The following RHOBTB2 variants were observed in gnomAD, a reference collection of about 807,000 sequenced individuals.
The protein encoded by RHOBTB2 is rho-related BTB domain-containing protein 2.
Under a neutral mutation model 66.5 loss-of-function variants are expected in RHOBTB2, and 39 were observed. The ratio of observed to expected loss-of-function variants is 0.59; its 90% CI spans 0.45 to 0.77. RHOBTB2 has a LOEUF of 0.77. RHOBTB2 is among the 30% of genes least tolerant of loss of function. The probability of loss-of-function intolerance (pLI) is 0.00; values close to 1 mark genes in which losing one functional copy is unlikely to be tolerated. For synonymous variants in RHOBTB2, 390 were observed against 395.0 expected, an observed-to-expected ratio of 0.99 and a Z score of 0.15; for missense variants, 755 against 999.1, an observed-to-expected ratio of 0.76 and a Z score of 3.29.
chr8:22,966,964 A>G, the RHOBTB2 span, among the ~76,000 whole-genome samples: 65 of 152,302 alleles, frequency 4.3e-4, no homozygotes, highest in Non-Finnish European at 8.5e-4. Context: ...GGGATGGAAA[A>G]TGGTGTAGCT....
At position 23,006,177 on chromosome 8, in the gene RHOBTB2, T is replaced by A. The variant is rs754767933; in HGVS notation, c.482+32T>A. ...GGTGCTGGTACCAAGGAGACAGACA[T>A]GGATGGGTGCCTCACCATGGCTCCC... On this transcript the variant is annotated intron_variant, in intron 4 of 9. Transcript: ENST00000251822. The surrounding 1 kb of genome is among the most constrained non-coding windows in gnomAD (Gnocchi z 6.1). 5.7e-6 allele frequency: 9 copies of A among 1,581,644 alleles called. No individual in the cohort carries two copies. Among genetic ancestry groups the A allele is most frequent in the Middle Eastern group, 3.4e-4 (2 of 5,944 alleles).
the RHOBTB2 span, among the ~76,000 whole-genome samples, chr8:22,967,809 G>A: frequency 1.3e-5 from 2 of 151,862 alleles, no homozygotes; most frequent in African/African-American, 4.8e-5. Flanking sequence ...GGGGATGGTG[G>A]CACAACAATG....
At chr8:22,987,212 G>C (rs113917162), upstream of RHOBTB2, among the ~76,000 whole-genome samples, 1,315 of 152,340 alleles carry the variant, frequency 8.6e-3, 22 homozygotes, top group African/African-American at 0.029. Flanking sequence ...TGCCCTGAGG[G>C]CCAGGGGCTG....
the RHOBTB2 span, among the ~76,000 whole-genome samples, chr8:22,970,843 G>A: frequency 6.6e-6 from 1 of 152,082 alleles, no homozygotes; most frequent in Non-Finnish European, 1.5e-5. Flanking sequence ...TCCGCAGATG[G>A]TTGCTGCTAA....
chr8:22,970,147 C>T, the RHOBTB2 span, among the ~76,000 whole-genome samples: 2 of 152,186 alleles, frequency 1.3e-5, no homozygotes, highest in Non-Finnish European at 2.9e-5. Flanking sequence ...AATTTAGTTT[C>T]TCAGAGCTCT....
chr8:22,962,064 G>A, the RHOBTB2 span, among the ~76,000 whole-genome samples: 69 of 151,860 alleles, frequency 4.5e-4, no homozygotes, highest in African/African-American at 1.4e-3. Context: ...AGGAGGCCAA[G>A]GTGAGAGGAT....
rs200622726 is a variant in RHOBTB2, at chr8:23,005,936, G to A, written c.297-24G>A. 1.9e-5 allele frequency: 31 copies of A among 1,599,754 alleles called. 1 individual carries two copies. Among genetic ancestry groups the A allele is most frequent in the South Asian group, 4.4e-5 (4 of 90,028 alleles). ...TAAGCTACCACTTGTTTCTCTGCCC[G>A]TAACCTTACTTTCCCACCCGCAGAT... On this transcript the variant is annotated intron_variant, in intron 3 of 9. Transcript: ENST00000251822.
Position 22,999,562 on chromosome 8 carries a change from C to T in RHOBTB2, c.-554C>T, listed in dbSNP as rs1810694010. On this transcript the variant is annotated 5_prime_UTR_variant, in exon 1 of 10. Transcript: ENST00000251822. ...CGGCAGTGGGCGGGGCCCGTCACGG[C>T]TGTCGTCTTGGGTGCGATTTTTTTC... is the stretch of plus-strand genomic sequence containing the variant. 1 of 1,202,428 alleles carries T rather than the reference C, an allele frequency of 8.3e-7. No homozygotes were observed. The allele number at this position is 1,202,428 out of a possible 1,614,324, so 74.5% of individuals were successfully genotyped here.
the RHOBTB2 span, among the ~76,000 whole-genome samples, chr8:22,954,039 A>G: frequency 1.3e-5 from 2 of 152,238 alleles, no homozygotes. Context: ...GTTTGCTTCA[A>G]GCTATATGCC....
At chr8:22,963,499 C>A in the RHOBTB2 span, among the ~76,000 whole-genome samples, 2 of 151,546 alleles carry the variant, frequency 1.3e-5, no homozygotes, top group African/African-American at 4.8e-5. Context: ...ATTTACAAAG[C>A]TAGCGCAAGT....
rs1490655503 is a variant in RHOBTB2 at position 22,999,770 on chromosome 8, C to T, written c.-346C>T. ...GCGGCCTCGCCCCTCTCCCGGCGCC[C>T]CTGCGCGCCGCCCGCTGCCTCCGCA... On this transcript the variant is annotated 5_prime_UTR_variant, in exon 1 of 10. Coordinates refer to ENST00000251822, the MANE Select transcript of RHOBTB2 (RefSeq NM_015178.3). 2.2e-5 allele frequency: 22 copies of T among 986,278 alleles called. No individual in the cohort carries two copies. In the Admixed American group the frequency reaches 7.5e-4, roughly 34 times the overall value. The allele number at this position is 986,278 out of a possible 1,614,324, so 61.1% of individuals were successfully genotyped here.
rs1810726354 is a variant in RHOBTB2 at position 23,000,089 on chromosome 8, C to G, written c.-27C>G. 1 of 985,372 alleles carries G rather than the reference C, an allele frequency of 1.0e-6. No individual in the cohort carries two copies. The highest frequency in any genetic ancestry group is 1.7e-5 in the African/African-American group (1 of 57,246). The allele number at this position is 985,372 out of a possible 1,614,324, so 61.0% of individuals were successfully genotyped here. A position where few individuals can be genotyped will look rare whatever the true frequency, so the allele number is the denominator to read the frequency against. ...TGTGTTCCTCACGCTAGAAGCCACC[C>G]CGTCACATGTAGTGGTGTAAGTAGA... is the stretch of plus-strand genomic sequence containing the variant. On this transcript the variant is annotated 5_prime_UTR_variant, in exon 1 of 10. Transcript: ENST00000251822.
At chr8:22,999,250 T>G (rs1273666161), upstream of RHOBTB2, 1 of 153,184 alleles carries the variant, frequency 6.5e-6, no homozygotes, top group Non-Finnish European at 1.5e-5. Context: ...TAGCATCCCT[T>G]CCAGGGTGCA....
chr8:22,963,128 AG>A, the RHOBTB2 span, among the ~76,000 whole-genome samples: 1 of 152,222 alleles, frequency 6.6e-6, no homozygotes, highest in African/African-American at 2.4e-5. Context: ...CAGGAGCCAA[AG>A]GACATGATGC....
At chr8:22,957,587 C>A in the RHOBTB2 span, among the ~76,000 whole-genome samples, 1 of 152,162 alleles carries the variant, frequency 6.6e-6, no homozygotes, top group Admixed American at 6.5e-5. Context: ...GAGGGTTGGG[C>A]TGCTTGTTCT....
At chr8:22,963,424 G>C in the RHOBTB2 span, among the ~76,000 whole-genome samples, 20 of 152,094 alleles carry the variant, frequency 1.3e-4, no homozygotes, top group African/African-American at 4.6e-4. Flanking sequence ...AATAGGTAAA[G>C]ATATTTCCCT....
At chr8:23,016,643 C>G (rs908044425) in intron 9 of RHOBTB2, among the ~76,000 whole-genome samples, 1 of 152,254 alleles carries the variant, frequency 6.6e-6, no homozygotes, top group East Asian at 1.9e-4. Context: ...AACTCCTGAC[C>G]TCAGGCAATT....
At chr8:22,965,271 T>A in the RHOBTB2 span, among the ~76,000 whole-genome samples, 1 of 152,192 alleles carries the variant, frequency 6.6e-6, no homozygotes, top group Admixed American at 6.5e-5. Context: ...AATTAAGCTA[T>A]CTGACTCAAA....
intron 6 of RHOBTB2, among the ~76,000 whole-genome samples, chr8:23,009,498 G>A (rs1811073130): frequency 6.6e-6 from 1 of 152,160 alleles, no homozygotes; most frequent in African/African-American, 2.4e-5. Flanking sequence ...CTTTGTGCAG[G>A]CGCGTGGAGT....
Sources: gnomAD v4.1 joint callset for allele counts (sites outside exome capture counted in the v4.1 genomes callset) on GRCh38, gnomAD v4.1.1 for gene constraint, Gnocchi (gnomAD v3.1) non-coding constraint, MANE v1.5 for transcripts, NCBI Gene and HGNC (gene_info 2026-07-23, HGNC 2026-07-21) for gene names.